The following LRP1B variants were observed in gnomAD, a reference collection of about 807,000 sequenced individuals.
LRP1B encodes the protein LDL receptor related protein 1B, also known as low-density lipoprotein receptor-related protein 1B.
A neutral mutation model predicts 556.6 loss-of-function variants in LRP1B; 217 were observed. The observed-to-expected ratio is 0.39, with a 90% CI of 0.35 to 0.44. The LOEUF (loss-of-function observed/expected upper bound fraction) is 0.44, where lower values mean the gene tolerates loss of function less well. Among genes scored for constraint, LRP1B ranks in the 20% least tolerant of loss-of-function variants. The probability of loss-of-function intolerance (pLI) is 1.00; values close to 1 mark genes in which losing one functional copy is unlikely to be tolerated. For synonymous variants in LRP1B, 2,047 were observed against 1,865.8 expected (o/e 1.10, Z -2.50); for missense variants, 5,053 against 5,620.8 (o/e 0.90, Z 3.23).
At chr2:140,824,034 C>T (rs2105060263) in intron 31 of LRP1B, among the ~76,000 whole-genome samples, 2 of 151,588 alleles carry the variant, frequency 1.3e-5, no homozygotes, top group South Asian at 4.2e-4. Context: ...AACAACAAAC[C>T]TCAATGACAT....
intron 25 of LRP1B, among the ~76,000 whole-genome samples, chr2:140,873,530 G>T (rs1372343160): frequency 1.3e-5 from 2 of 152,022 alleles, no homozygotes; most frequent in African/African-American, 4.8e-5. Context: ...CAGCTTGGAG[G>T]TTAGAAACAG....
intron 3 of LRP1B, among the ~76,000 whole-genome samples, chr2:141,288,250 T>A (rs955282822): frequency 1.1e-4 from 16 of 149,820 alleles, no homozygotes; most frequent in South Asian, 4.2e-4. Context: ...AAAAAAAAAA[T>A]TTGTTTTCAA....
chr2:140,370,160 A>G (rs1682931497), intron 71 of LRP1B, among the ~76,000 whole-genome samples: 3 of 151,994 alleles, frequency 2.0e-5, no homozygotes, highest in African/African-American at 4.8e-5. Flanking sequence ...GAAATAATAT[A>G]TGACAAAAAG....
chr2:141,517,688 A>C (rs1684375091), intron 2 of LRP1B, among the ~76,000 whole-genome samples: 1 of 152,206 alleles, frequency 6.6e-6, no homozygotes. Context: ...CATCTTCTTC[A>C]ATGTTTACCC....
intron 2 of LRP1B, among the ~76,000 whole-genome samples, chr2:141,676,821 G>C (rs1434763007): frequency 6.6e-6 from 1 of 152,088 alleles, no homozygotes; most frequent in Non-Finnish European, 1.5e-5. Context: ...GGGATTAAAA[G>C]CTCCTGTGAA....
At chr2:141,544,486 G>T (rs1427290768) in intron 2 of LRP1B, among the ~76,000 whole-genome samples, 3 of 148,072 alleles carry the variant, frequency 2.0e-5, no homozygotes, top group African/African-American at 5.0e-5. Flanking sequence ...TCACTATGTT[G>T]TGCAATCAGG....
intron 2 of LRP1B, among the ~76,000 whole-genome samples, chr2:141,545,591 T>C (rs897189437): frequency 6.6e-6 from 1 of 152,126 alleles, no homozygotes; most frequent in African/African-American, 2.4e-5. Context: ...ATGAATGTAA[T>C]CACAGCGCTT....
intron 41 of LRP1B, among the ~76,000 whole-genome samples, chr2:140,662,460 G>A (rs1414982682): frequency 1.3e-5 from 2 of 151,922 alleles, no homozygotes; most frequent in Non-Finnish European, 2.9e-5. Context: ...AAGAAGTGAA[G>A]CAATTAAATT....
intron 3 of LRP1B, among the ~76,000 whole-genome samples, chr2:141,443,954 TC>T (rs1681083796): frequency 1.3e-5 from 2 of 152,080 alleles, no homozygotes; most frequent in Admixed American, 1.3e-4. Flanking sequence ...AGTTTTTTTT[TC>T]TAATTCTGTG....
In LRP1B at chr2:140,989,599, CTT is replaced by C; in HGVS notation, c.2701_2702del (p.Lys901GlufsTer5). ...FKCQNNRCIP[K>X]RWLCDGANDC... ...CATTAGCTCCATCACAAAGCCATCT[CTT>C]GGGGATGCAGCGATTATTCTGGCAT... On this transcript the variant is annotated frameshift_variant, in exon 17 of 91. Coordinates refer to ENST00000389484, the MANE Select transcript of LRP1B (RefSeq NM_018557.3). LOFTEE classifies it high-confidence loss of function. 6.2e-7 allele frequency: 1 copy of C among 1,613,274 alleles called. No homozygotes were observed.
At chr2:140,321,111 CT>C (rs1433119928) in intron 82 of LRP1B, among the ~76,000 whole-genome samples, 1 of 151,942 alleles carries the variant, frequency 6.6e-6, no homozygotes, top group Non-Finnish European at 1.5e-5. Context: ...TGTGGATTTT[CT>C]TTTAGTAACA....
intron 1 of LRP1B, among the ~76,000 whole-genome samples, chr2:142,128,536 A>C (rs1707737726): frequency 6.6e-6 from 1 of 152,196 alleles, no homozygotes; most frequent in Admixed American, 6.5e-5. Context: ...ACTTTCAACA[A>C]GATTTCTCTC....
intron 41 of LRP1B, among the ~76,000 whole-genome samples, chr2:140,690,196 C>G (rs998746211): frequency 6.6e-6 from 1 of 151,876 alleles, no homozygotes; most frequent in Non-Finnish European, 1.5e-5. Context: ...ACAAACAAAA[C>G]CTTACAAAAT....
intron 55 of LRP1B, among the ~76,000 whole-genome samples, chr2:140,497,427 CT>C (rs1158826040): frequency 6.6e-6 from 1 of 151,722 alleles, no homozygotes; most frequent in Non-Finnish European, 1.5e-5. Context: ...AATGGGCATA[CT>C]TAATGCCATT....
intron 1 of LRP1B, among the ~76,000 whole-genome samples, chr2:141,887,361 C>A (rs921049325): frequency 1.3e-5 from 2 of 152,110 alleles, no homozygotes; most frequent in Non-Finnish European, 2.9e-5. Flanking sequence ...GAATGGCATT[C>A]CACGGTCAGA....
intron 1 of LRP1B, 107 bp downstream of exon 1, chr2:142,130,541 G>A: frequency 1.1e-6 from 1 of 914,170 alleles, no homozygotes; most frequent in Non-Finnish European, 1.7e-6. Flanking sequence ...CGGTCCCGGG[G>A]AGCGGAGCTG....
chr2:141,075,046 A>G (rs950141467), intron 7 of LRP1B, among the ~76,000 whole-genome samples: 2 of 152,132 alleles, frequency 1.3e-5, no homozygotes, highest in East Asian at 1.9e-4. Flanking sequence ...TGTATTCCGA[A>G]AAGGGTTAGA....
chr2:140,482,028 A>G (rs1000164017), intron 59 of LRP1B, among the ~76,000 whole-genome samples: 18 of 152,120 alleles, frequency 1.2e-4, no homozygotes, highest in African/African-American at 4.1e-4. Flanking sequence ...CTCTGATCCC[A>G]GTTGAGACAG....
At chr2:140,360,616 G>C (rs546584528) in intron 72 of LRP1B, among the ~76,000 whole-genome samples, 1 of 151,614 alleles carries the variant, frequency 6.6e-6, no homozygotes, top group African/African-American at 2.4e-5. Context: ...TTCCAGCATA[G>C]TCTTTTAAGA....
Sources: allele counts gnomAD v4.1 joint callset (sites outside exome capture counted in the v4.1 genomes callset), GRCh38; gene constraint gnomAD v4.1.1; transcripts MANE v1.5; gene names NCBI Gene and HGNC (gene_info 2026-07-23, HGNC 2026-07-21).